Variants in TLL2 observed in about 807,000 individuals in gnomAD.
TLL2 encodes tolloid-like protein 2.
A neutral mutation model predicts 123.0 loss-of-function variants in TLL2; 106 were observed. The ratio of observed to expected loss-of-function variants is 0.86; its 90% CI spans 0.74 to 1.01. The LOEUF (loss-of-function observed/expected upper bound fraction) is 1.01. TLL2 is among the 50% of genes least tolerant of loss of function. The probability of loss-of-function intolerance (pLI) is 0.00; values close to 1 mark genes in which losing one functional copy is unlikely to be tolerated. For synonymous variants in TLL2, 494 were observed against 516.8 expected (o/e 0.96, Z 0.60); for missense variants, 1,332 against 1,336.7 (o/e 1.00, Z 0.06).
intron 1 of TLL2, among the ~76,000 whole-genome samples, chr10:96,482,061 TC>T (rs1219826948): frequency 2.6e-5 from 4 of 152,016 alleles, no homozygotes; most frequent in Admixed American, 2.6e-4. Context: ...ATCGAGACCA[TC>T]CTGGCTAACA....
intron 1 of TLL2, 74 bp downstream of exon 1, chr10:96,513,437 T>C (rs558132710): frequency 1.6e-4 from 254 of 1,589,948 alleles, no homozygotes; most frequent in Non-Finnish European, 2.0e-4. Flanking sequence ...TAGACGGTAG[T>C]GCAGGCTTGC....
chr10:96,465,710 A>G (rs140123750), intron 2 of TLL2, among the ~76,000 whole-genome samples: 2 of 152,326 alleles, frequency 1.3e-5, no homozygotes, highest in Non-Finnish European at 2.9e-5. Context: ...TGCATGCTCA[A>G]ATACCTAGAG....
chr10:96,508,724 T>C (rs1046747489), intron 1 of TLL2, among the ~76,000 whole-genome samples: 2 of 151,980 alleles, frequency 1.3e-5, no homozygotes, highest in Admixed American at 6.6e-5. Context: ...CTCCCCACCT[T>C]TCTGCTTGAG....
chr10:96,451,984 GA>G (rs1424623242), intron 2 of TLL2, among the ~76,000 whole-genome samples: 1 of 151,994 alleles, frequency 6.6e-6, no homozygotes, highest in African/African-American at 2.4e-5. Context: ...TTAAGAAAAA[GA>G]AAAAAATATA....
At chr10:96,389,687 T>A (rs1279610194) in intron 13 of TLL2, among the ~76,000 whole-genome samples, 1 of 152,124 alleles carries the variant, frequency 6.6e-6, no homozygotes, top group Non-Finnish European at 1.5e-5. Context: ...CAGAAGATGC[T>A]GTGGCTGTAG....
At chr10:96,422,410 T>C in intron 6 of TLL2, 139 bp downstream of exon 6, 1 of 1,032,640 alleles carries the variant, frequency 9.7e-7, no homozygotes, top group Non-Finnish European at 1.4e-6. Flanking sequence ...GAGACGGGCC[T>C]GTACAACAGA....
intron 10 of TLL2, among the ~76,000 whole-genome samples, chr10:96,401,293 C>T (rs1030131901): frequency 6.6e-6 from 1 of 152,216 alleles, no homozygotes; most frequent in African/African-American, 2.4e-5. Flanking sequence ...CCCTAATCCG[C>T]TCTCCCTCCT....
chr10:96,463,504 T>G (rs180705371), intron 2 of TLL2, among the ~76,000 whole-genome samples: 204 of 152,300 alleles, frequency 1.3e-3, no homozygotes, highest in African/African-American at 4.8e-3. Flanking sequence ...GGTCTCCATG[T>G]CCTCTGCTGT....
intron 6 of TLL2, 78 bp downstream of exon 6, chr10:96,422,471 C>T (rs1348103800): frequency 2.6e-6 from 4 of 1,532,228 alleles, no homozygotes; most frequent in East Asian, 2.3e-5. Flanking sequence ...CAGCAAGTCC[C>T]CTCCTTCCCT....
At chr10:96,462,793 C>T (rs532843338) in intron 2 of TLL2, among the ~76,000 whole-genome samples, 4 of 152,174 alleles carry the variant, frequency 2.6e-5, no homozygotes, top group Non-Finnish European at 5.9e-5. Flanking sequence ...ACATCACAGC[C>T]GTCTTGCAAT....
intron 1 of TLL2, among the ~76,000 whole-genome samples, chr10:96,497,182 C>T (rs916987734): frequency 1.1e-4 from 16 of 151,788 alleles, no homozygotes; most frequent in Non-Finnish European, 1.5e-4. Context: ...CCCAGCTACT[C>T]GGGAAGCTGA....
chr10:96,428,579 C>T (rs200714695), intron 5 of TLL2, 52 bp downstream of exon 5: 2 of 1,190,506 alleles, frequency 1.7e-6, no homozygotes, highest in Non-Finnish European at 2.5e-6. Flanking sequence ...ATTCAACACT[C>T]ATGAGCCATC....
chr10:96,448,206 C>G (rs1050427539), intron 2 of TLL2, among the ~76,000 whole-genome samples: 3 of 152,218 alleles, frequency 2.0e-5, no homozygotes, highest in Non-Finnish European at 2.9e-5. Flanking sequence ...ACCCGGAATC[C>G]ACTCACACAC....
At chr10:96,416,340 T>G (rs911663942) in intron 7 of TLL2, among the ~76,000 whole-genome samples, 4 of 152,230 alleles carry the variant, frequency 2.6e-5, no homozygotes, top group African/African-American at 9.6e-5. Context: ...GTTCTTGCAC[T>G]TACTCATCAT....
intron 1 of TLL2, among the ~76,000 whole-genome samples, 166 bp from the exon 2 acceptor site, chr10:96,480,625 G>A (rs243): frequency 0.49 from 74,440 of 151,968 alleles, 18,478 homozygotes; most frequent in East Asian, 0.73. Context: ...TGGAGGCAGA[G>A]GAACAGCAGG....
chr10:96,409,612 C>A (rs1031403278), intron 9 of TLL2, among the ~76,000 whole-genome samples: 1 of 152,184 alleles, frequency 6.6e-6, no homozygotes, highest in African/African-American at 2.4e-5. Flanking sequence ...TATAACAGTA[C>A]GTGCCCTGCA....
intron 1 of TLL2, among the ~76,000 whole-genome samples, chr10:96,506,440 G>C (rs1223369812): frequency 6.6e-6 from 1 of 151,636 alleles, no homozygotes. Context: ...AGTGCCCTGA[G>C]AATGGCTGGA....
chr10:96,412,455 T>C (rs545867168), intron 8 of TLL2, among the ~76,000 whole-genome samples: 140 of 152,272 alleles, frequency 9.2e-4, no homozygotes, highest in Non-Finnish European at 1.8e-3. Context: ...TGCTTTACAT[T>C]GAGGCTCAAG....
chr10:96,465,871 G>A lies in TLL2; in HGVS notation c.286+14478C>T, dbSNP rs560169896. Reference sequence around the variant, plus strand: ...CGTTGCCATGTGGGATTACTGGACCGGTGTGGCCAAATCTTCCAGCTTTTC... The same window carrying A: ...CGTTGCCATGTGGGATTACTGGACCAGTGTGGCCAAATCTTCCAGCTTTTC... On this transcript the variant is annotated intron_variant, in intron 2 of 20. Coordinates refer to ENST00000357947, the MANE Select transcript of TLL2 (RefSeq NM_012465.4). Among the ~76,000 whole-genome samples the A allele has an allele frequency of 3.3e-5, 5 of 152,306 alleles. No individual in the cohort carries two copies. The South Asian group carries it at 6.2e-4, about 19-fold the overall frequency.
Sources: gnomAD v4.1 joint callset for allele counts (sites outside exome capture counted in the v4.1 genomes callset) on GRCh38, gnomAD v4.1.1 for gene constraint, MANE v1.5 for transcripts, NCBI Gene and HGNC (gene_info 2026-07-23, HGNC 2026-07-21) for gene names.